Variants in ATG2B observed in about 807,000 individuals in gnomAD.
The protein encoded by ATG2B is autophagy-related protein 2 homolog B.
A neutral mutation model predicts 241.3 loss-of-function variants in ATG2B; 121 were observed. The ratio of observed to expected loss-of-function variants is 0.50; its 90% CI spans 0.43 to 0.58. ATG2B has a LOEUF of 0.58. ATG2B is among the 20% of genes least tolerant of loss of function. The pLI, the probability that ATG2B is intolerant of heterozygous loss-of-function variation, is 0.00. For missense variants in ATG2B, 2,306 were observed against 2,491.6 expected, an observed-to-expected ratio of 0.93 and a Z score of 1.59; for synonymous variants, 858 against 876.6, an observed-to-expected ratio of 0.98 and a Z score of 0.37.
At chr14:96,303,739 TG>T (rs1272266051) in intron 32 of ATG2B, among the ~76,000 whole-genome samples, 2 of 152,186 alleles carry the variant, frequency 1.3e-5, no homozygotes, top group African/African-American at 4.8e-5. Flanking sequence ...CATGTATGTC[TG>T]TGGATAAGGG....
intron 25 of ATG2B, 56 bp downstream of exon 25, chr14:96,313,009 C>A: frequency 3.7e-6 from 4 of 1,077,556 alleles, no homozygotes; most frequent in South Asian, 3.0e-5. Flanking sequence ...AGGTAAATAT[C>A]AATTGGTATG....
At chr14:96,325,556 T>C (rs1370613978) in intron 15 of ATG2B, 93 bp downstream of exon 15, 2 of 1,160,616 alleles carry the variant, frequency 1.7e-6, no homozygotes, top group Non-Finnish European at 2.5e-6. Flanking sequence ...TTGTACTATA[T>C]TGCAGGGCTG....
Position 96,328,755 on chromosome 14 carries a change from G to C in ATG2B, c.1893C>G (p.Phe631Leu), listed in dbSNP as rs1887653036. ...GGGAACCAGTTTCTTCTTTGGAATG[G>C]AACGTTAAAAGCTTAAAAGTAAAGA... is the stretch of plus-strand genomic sequence containing the variant. ...VPPHYTELLT[F>L]HSKEETGSHS... The change falls in exon 13 of 42, where the codon TTC (phenylalanine) becomes TTG (leucine). Residue 631 changes from phenylalanine (F) to leucine (L), a missense_variant. Around this residue, in one of 2 missense-constraint regions of ATG2B, gnomAD observed 1,927 missense variants for 2,011.2 expected, o/e 0.96. Transcript: ENST00000359933. 3 of 1,608,996 alleles carry C rather than the reference G, an allele frequency of 1.9e-6. No individual in the cohort carries two copies. The highest frequency in any genetic ancestry group is 1.7e-5 in the Admixed American group (1 of 59,656).
At chr14:96,298,117 T>C (rs1886697342) in intron 34 of ATG2B, among the ~76,000 whole-genome samples, 1 of 152,092 alleles carries the variant, frequency 6.6e-6, no homozygotes, top group Non-Finnish European at 1.5e-5. Context: ...ATTTTAAAAC[T>C]AGCAAGACAC....
intron 41 of ATG2B, among the ~76,000 whole-genome samples, chr14:96,286,952 G>A (rs1886350577): frequency 6.6e-6 from 1 of 151,948 alleles, no homozygotes; most frequent in Non-Finnish European, 1.5e-5. Context: ...ATACCACAGA[G>A]CAATAAAAAA....
At chr14:96,314,389 T>G (rs904073830) in intron 23 of ATG2B, among the ~76,000 whole-genome samples, 20 of 152,322 alleles carry the variant, frequency 1.3e-4, no homozygotes, top group African/African-American at 4.3e-4. Context: ...TAAAAAGTTG[T>G]TGAACTGGAA....
At chr14:96,317,517 GATA>G (rs1887347539) in intron 19 of ATG2B, among the ~76,000 whole-genome samples, 178 bp downstream of exon 19, 1 of 152,070 alleles carries the variant, frequency 6.6e-6, no homozygotes, top group African/African-American at 2.4e-5. Flanking sequence ...ATATTTAAGT[GATA>G]ATGATATTCT....
intron 26 of ATG2B, among the ~76,000 whole-genome samples, 163 bp downstream of exon 26, chr14:96,311,926 T>C (rs1887169762): frequency 6.6e-6 from 1 of 152,228 alleles, no homozygotes; most frequent in Non-Finnish European, 1.5e-5. Flanking sequence ...GCTGTGAATA[T>C]ATACCACATG....
intron 41 of ATG2B, among the ~76,000 whole-genome samples, chr14:96,287,739 T>C (rs1023989583): frequency 3.3e-5 from 5 of 152,234 alleles, no homozygotes; most frequent in Non-Finnish European, 7.3e-5. Context: ...ATACTTTTTA[T>C]GTAAGGGCCA....
chr14:96,354,536 G>C (rs1354226387), intron 1 of ATG2B, among the ~76,000 whole-genome samples: 1 of 152,130 alleles, frequency 6.6e-6, no homozygotes, highest in Non-Finnish European at 1.5e-5. Flanking sequence ...TGGGCATTTG[G>C]GTTGATTCCG....
intron 29 of ATG2B, 81 bp from the exon 30 acceptor site, chr14:96,306,997 G>T: frequency 1.7e-6 from 2 of 1,198,532 alleles, no homozygotes; most frequent in South Asian, 1.4e-5. Flanking sequence ...TCAGATATAT[G>T]TTGTGTGCTT....
chr14:96,305,460 T>G, intron 31 of ATG2B, 129 bp downstream of exon 31: 1 of 603,092 alleles, frequency 1.7e-6, no homozygotes, highest in Non-Finnish European at 2.8e-6. Flanking sequence ...AATACTACTT[T>G]ATTAATAATT....
intron 37 of ATG2B, 127 bp from the exon 38 acceptor site, chr14:96,291,809 G>A (rs1886492122): frequency 4.4e-6 from 3 of 679,328 alleles, no homozygotes; most frequent in Non-Finnish European, 7.2e-6. Flanking sequence ...AATATTTACA[G>A]TAAAAATATA....
Position 96,290,151 on chromosome 14 carries a change from T to C in ATG2B, c.5856+285A>G, listed in dbSNP as rs1886445626. 8.0e-7 allele frequency: 1 copy of C among 1,254,958 alleles called. No individual in the cohort carries two copies. The highest frequency in any genetic ancestry group is 1.0e-6 in the Non-Finnish European group (1 of 994,976). 77.7% of individuals were successfully genotyped at this position (1,254,958 alleles called of 1,614,324 possible). ...CTACAACGCCTTCTTCAAATTTAGC[T>C]ACGATCCTTTCATACAAATATGGTG... On this transcript the variant is annotated intron_variant, in intron 40 of 41. Transcript: ENST00000359933. This position sits in a 1 kb window ranked among gnomAD's most constrained non-coding sequence, Gnocchi z 4.4.
chr14:96,332,087 T>C (rs1296093882), intron 10 of ATG2B, among the ~76,000 whole-genome samples: 1 of 151,980 alleles, frequency 6.6e-6, no homozygotes, highest in Non-Finnish European at 1.5e-5. Flanking sequence ...TACTTTTAAC[T>C]AAAAATATTT....
chr14:96,349,150 C>G (rs1888247919), intron 1 of ATG2B, among the ~76,000 whole-genome samples: 1 of 152,180 alleles, frequency 6.6e-6, no homozygotes, highest in Non-Finnish European at 1.5e-5. Context: ...AGGAGTTAAT[C>G]AGGCAAAATG....
chr14:96,295,644 T>C (rs575243398), intron 34 of ATG2B, 84 bp from the exon 35 acceptor site: 6 of 844,608 alleles, frequency 7.1e-6, no homozygotes, highest in South Asian at 5.4e-5. Context: ...CTTAAACTCA[T>C]ATATTTTACT....
At chr14:96,335,537 A>T (rs77810075) in intron 6 of ATG2B, among the ~76,000 whole-genome samples, 1 of 152,138 alleles carries the variant, frequency 6.6e-6, no homozygotes, top group African/African-American at 2.4e-5. Context: ...TTATAGGTGA[A>T]GAAATGAGTT....
rs372236956 is a variant in ATG2B, at chr14:96,332,457, G to A, written c.1362+44C>T. 5.1e-5 allele frequency: 83 copies of A among 1,612,072 alleles called. No individual in the cohort carries two copies. In the African/African-American group the frequency reaches 9.6e-4, roughly 19 times the overall value. On this transcript the variant is annotated intron_variant, in intron 9 of 41. Transcript: ENST00000359933. ...CACATGAATGAAGTGTAGAATTTTA[G>A]AAGCAACTTTTCAGTCTAGAAGAAA... is the stretch of plus-strand genomic sequence containing the variant.
Sources: gnomAD v4.1 joint callset for allele counts (sites outside exome capture counted in the v4.1 genomes callset) on GRCh38, gnomAD v4.1.1 for gene constraint, gnomAD v4.1.1 regional missense constraint, Gnocchi (gnomAD v3.1) non-coding constraint, MANE v1.5 for transcripts, NCBI Gene and HGNC (gene_info 2026-07-23, HGNC 2026-07-21) for gene names.